The following WDR43 variants were observed in gnomAD, a reference collection of about 807,000 sequenced individuals.
WDR43 encodes the protein WD repeat domain 43, also known as WD repeat-containing protein 43.
Under a neutral mutation model 91.4 loss-of-function variants are expected in WDR43, and 13 were observed. The ratio of observed to expected loss-of-function variants is 0.14; its 90% CI spans 0.09 to 0.23. WDR43 has a LOEUF of 0.23. WDR43 is among the 10% of genes least tolerant of loss of function. WDR43 has a pLI of 1.00. For missense variants in WDR43, 780 were observed against 809.4 expected (o/e 0.96, Z 0.44); for synonymous variants, 331 against 287.9 (o/e 1.15, Z -1.51).
At chr2:28,896,168 T>G (rs1179355146) in intron 1 of WDR43, among the ~76,000 whole-genome samples, 1 of 152,234 alleles carries the variant, frequency 6.6e-6, no homozygotes, top group Non-Finnish European at 1.5e-5. Context: ...TTTCTGTGGT[T>G]GTATTTTAAC....
chr2:28,933,694 A>G (rs1165178256), intron 11 of WDR43, among the ~76,000 whole-genome samples: 1 of 152,224 alleles, frequency 6.6e-6, no homozygotes, highest in Non-Finnish European at 1.5e-5. Flanking sequence ...GACACTTCAC[A>G]ATAGAATTCA....
intron 14 of WDR43, among the ~76,000 whole-genome samples, chr2:28,939,440 C>A (rs1044857838): frequency 6.6e-6 from 1 of 152,170 alleles, no homozygotes; most frequent in Non-Finnish European, 1.5e-5. Flanking sequence ...CATTCAAGGT[C>A]GTGGCAGAAC....
Position 28,894,782 on chromosome 2 carries a change from C to T in WDR43, c.84C>T (p.Tyr28=), listed in dbSNP as rs1363601186. 3 of 1,608,544 alleles carry T rather than the reference C, an allele frequency of 1.9e-6. No individual in the cohort carries two copies. The highest frequency in any genetic ancestry group is 1.7e-6 in the Non-Finnish European group (2 of 1,177,688). The change falls in exon 1 of 18, where the codon TAC becomes TAT. Residue 28 remains tyrosine (Y), a synonymous_variant. Coordinates refer to ENST00000407426, the MANE Select transcript of WDR43 (RefSeq NM_015131.3). Reference sequence around the variant, plus strand: ...CCTTCTCCCCGCACAGCCAGGCCTACTTCGCTTTGGCCTCTACCGACGGTC... The same window carrying T: ...CCTTCTCCCCGCACAGCCAGGCCTATTTCGCTTTGGCCTCTACCGACGGTC... The part of the protein sequence containing the change: ...PCAFSPHSQA[Y]FALASTDGHL...
chr2:28,942,258 A>G, intron 15 of WDR43, 54 bp from the exon 16 acceptor site: 1 of 1,569,904 alleles, frequency 6.4e-7, no homozygotes, highest in South Asian at 1.2e-5. Context: ...GGTGGTCGTG[A>G]TACTTGGGAT....
At chr2:28,946,130 G>GT (rs898991758) in intron 16 of WDR43, among the ~76,000 whole-genome samples, 33 of 152,200 alleles carry the variant, frequency 2.2e-4, no homozygotes, top group African/African-American at 7.7e-4. Flanking sequence ...GAGTCCAGGA[G>GT]TTTGAGATCG....
At chr2:28,911,920 T>C (rs1287754946) in intron 3 of WDR43, among the ~76,000 whole-genome samples, 8 of 152,164 alleles carry the variant, frequency 5.3e-5, no homozygotes. Flanking sequence ...CACCATGCCC[T>C]GCCCCTGCTG....
intron 11 of WDR43, 41 bp from the exon 12 acceptor site, chr2:28,935,480 G>C (rs1671320854): frequency 7.3e-7 from 1 of 1,377,832 alleles, no homozygotes; most frequent in African/African-American, 1.5e-5. Flanking sequence ...TCCTTGGTTT[G>C]TCAGTATGCT....
chr2:28,923,036 C>T, intron 7 of WDR43, 53 bp downstream of exon 7: 3 of 1,434,562 alleles, frequency 2.1e-6, no homozygotes, highest in Non-Finnish European at 2.9e-6. Flanking sequence ...TGACTTGTTA[C>T]TTGGTCATAC....
chr2:28,903,042 G>T (rs1272787062), intron 2 of WDR43, among the ~76,000 whole-genome samples: 1 of 151,810 alleles, frequency 6.6e-6, no homozygotes, highest in African/African-American at 2.4e-5. Context: ...TTAATAATTT[G>T]TATATTTCTT....
At chr2:28,916,533 T>G (rs1670913317) in intron 5 of WDR43, among the ~76,000 whole-genome samples, 1 of 152,194 alleles carries the variant, frequency 6.6e-6, no homozygotes, top group African/African-American at 2.4e-5. Flanking sequence ...ATTATGGATA[T>G]CCAGGGATCC....
intron 5 of WDR43, among the ~76,000 whole-genome samples, chr2:28,916,201 A>T (rs1670907307): frequency 6.6e-6 from 1 of 152,192 alleles, no homozygotes; most frequent in African/African-American, 2.4e-5. Context: ...TTACAAATAC[A>T]ATTGCTATGG....
chr2:28,901,967 T>G lies in WDR43; in HGVS notation c.226-20T>G. On this transcript the variant is annotated intron_variant, in intron 1 of 17. Transcript: ENST00000407426. ...GTATTTGCAATACTAAATAAAAACATTGTTTTTCTTTTTTTCCAGGAAAGT... is the reference window on the plus strand; with the variant it reads ...GTATTTGCAATACTAAATAAAAACAGTGTTTTTCTTTTTTTCCAGGAAAGT... 1 of 1,579,882 alleles carries G rather than the reference T, an allele frequency of 6.3e-7. No individual in the cohort carries two copies. The highest frequency in any genetic ancestry group is 8.6e-7 in the Non-Finnish European group (1 of 1,169,028).
At chr2:28,917,781 CA>C in intron 5 of WDR43, 111 bp from the exon 6 acceptor site, 1 of 904,632 alleles carries the variant, frequency 1.1e-6, no homozygotes. Context: ...CAAAAGATGA[CA>C]AAGCTATTGG....
chr2:28,909,129 AT>A (rs1270975841), intron 3 of WDR43, among the ~76,000 whole-genome samples: 3 of 151,352 alleles, frequency 2.0e-5, no homozygotes, highest in African/African-American at 7.3e-5. Flanking sequence ...TTATCCCGAG[AT>A]TTTTTTTCTT....
At chr2:28,909,743 G>T (rs1404001242) in intron 3 of WDR43, among the ~76,000 whole-genome samples, 2 of 152,096 alleles carry the variant, frequency 1.3e-5, no homozygotes, top group African/African-American at 4.8e-5. Context: ...ATGTGGTGGT[G>T]TGTACCTGTA....
intron 7 of WDR43, among the ~76,000 whole-genome samples, chr2:28,923,324 G>T (rs1558377412): frequency 6.6e-6 from 1 of 152,304 alleles, no homozygotes; most frequent in Non-Finnish European, 1.5e-5. Context: ...CCCCTTGCCA[G>T]TGCTGTTGTT....
In WDR43 at chr2:28,941,475, A is replaced by G. The variant is rs775497499; in HGVS notation, c.1635A>G (p.Val545=). The part of the protein sequence containing the change: ...ASYLSTLPDL[V]PQLGTLYQLM... ...TTTTTCTCTAGTTGCCTGACCTGGT[A>G]CCCCAGCTGGGGACACTCTACCAGT... Residue 545 remains valine (V), a synonymous_variant, in exon 15 of 18, where the codon GTA becomes GTG. Transcript: ENST00000407426. The G allele has an allele frequency of 4.6e-5, 74 of 1,612,896 alleles. No homozygotes were observed. The highest frequency in any genetic ancestry group is 5.7e-5 in the Non-Finnish European group (67 of 1,179,456).
chr2:28,898,171 G>A (rs1670515256), intron 1 of WDR43, among the ~76,000 whole-genome samples: 1 of 152,192 alleles, frequency 6.6e-6, no homozygotes, highest in African/African-American at 2.4e-5. Context: ...GACCTTGTCT[G>A]CTATTGGCTA....
intron 2 of WDR43, among the ~76,000 whole-genome samples, chr2:28,905,509 T>C (rs528928442): frequency 6.6e-6 from 1 of 152,322 alleles, no homozygotes; most frequent in Admixed American, 6.5e-5. Context: ...TTGGTACATT[T>C]TTTTACAAGA....
Sources: gnomAD v4.1 joint callset for allele counts (sites outside exome capture counted in the v4.1 genomes callset) on GRCh38, gnomAD v4.1.1 for gene constraint, MANE v1.5 for transcripts, NCBI Gene and HGNC (gene_info 2026-07-23, HGNC 2026-07-21) for gene names.